IGF1: variants seen among roughly 807,000 people sequenced by gnomAD.
IGF1 encodes insulin like growth factor 1, also known as insulin-like growth factor 1.
In IGF1, 4 loss-of-function variants were observed where a neutral mutation model predicts 13.8. That is an observed-to-expected ratio of 0.29 (90% CI 0.14 to 0.66). The LOEUF is 0.66. Among genes scored for constraint, IGF1 ranks in the 30% least tolerant of loss-of-function variants. The probability of loss-of-function intolerance (pLI) is 0.78; values close to 1 mark genes in which losing one functional copy is unlikely to be tolerated. For synonymous variants in IGF1, 76 were observed against 72.6 expected (o/e 1.05, Z -0.23); for missense variants, 124 against 188.5 (o/e 0.66, Z 2.00).
At chr12:102,406,155 C>T (rs955433348) in intron 3 of IGF1, among the ~76,000 whole-genome samples, 11 of 152,216 alleles carry the variant, frequency 7.2e-5, no homozygotes, top group African/African-American at 2.7e-4. Context: ...ATTTGGCTCT[C>T]TTCCCAGGCT....
At chr12:102,476,342 C>G (rs1181055607) in intron 1 of IGF1, among the ~76,000 whole-genome samples, 1 of 150,772 alleles carries the variant, frequency 6.6e-6, no homozygotes, top group Non-Finnish European at 1.5e-5. Flanking sequence ...TTTACTATGG[C>G]CAAAAAATGG....
At position 102,415,974 on chromosome 12, in the gene IGF1, A is replaced by G. The variant is rs576836336; in HGVS notation, c.402+3535T>C. 2.0e-5 allele frequency among the ~76,000 whole-genome samples: 3 copies of G among 152,288 alleles called. No individual in the cohort carries two copies. In the South Asian group the frequency reaches 6.2e-4, roughly 32 times the overall value. The stretch of plus-strand genomic sequence containing the variant: ...CCACAGCAGCAGTGGCTTGGCTCCC[A>G]TGTGGGGCTTTGGCATGCTTTCAGT... On this transcript the variant is annotated intron_variant, in intron 3 of 3. Coordinates refer to ENST00000337514, the MANE Select transcript of IGF1 (RefSeq NM_000618.5).
intron 2 of IGF1, among the ~76,000 whole-genome samples, chr12:102,424,113 A>C (rs1565973689): frequency 6.6e-6 from 1 of 152,204 alleles, no homozygotes; most frequent in African/African-American, 2.4e-5. Context: ...ATAATAAAAA[A>C]ACGCAAACGT....
Position 102,416,940 on chromosome 12 carries a change from C to T in IGF1, c.402+2569G>A, listed in dbSNP as rs998677488. Reference sequence around the variant, plus strand: ...CCAACCTGGCTGGTGTTGTTTCACACAGAGGATGTTTAGACACAGAGATAT... The same window carrying T: ...CCAACCTGGCTGGTGTTGTTTCACATAGAGGATGTTTAGACACAGAGATAT... On this transcript the variant is annotated intron_variant, in intron 3 of 3. Coordinates refer to ENST00000337514, the MANE Select transcript of IGF1 (RefSeq NM_000618.5). Among the ~76,000 whole-genome samples, 6 of 152,124 alleles carry T rather than the reference C, an allele frequency of 3.9e-5. No individual in the cohort carries two copies. In the East Asian group the frequency reaches 7.7e-4, roughly 20 times the overall value.
At chr12:102,476,653 CA>C (rs1881069104) in intron 1 of IGF1, among the ~76,000 whole-genome samples, 1 of 152,128 alleles carries the variant, frequency 6.6e-6, no homozygotes, top group Admixed American at 6.6e-5. Flanking sequence ...CTCAAACTGG[CA>C]AAAATCTTTT....
chr12:102,465,584 G>A (rs1049644729), intron 2 of IGF1, among the ~76,000 whole-genome samples: 1 of 152,208 alleles, frequency 6.6e-6, no homozygotes, highest in African/African-American at 2.4e-5. Flanking sequence ...TTTTTCACTT[G>A]TGAGGAATTG....
chr12:102,404,909 C>A (rs927832208), intron 3 of IGF1, among the ~76,000 whole-genome samples: 1 of 151,744 alleles, frequency 6.6e-6, no homozygotes, highest in African/African-American at 2.4e-5. Context: ...AGACGCCTGC[C>A]ACCATGCATG....
intron 2 of IGF1, among the ~76,000 whole-genome samples, chr12:102,446,647 T>G (rs1226980404): frequency 3.3e-5 from 5 of 152,128 alleles, no homozygotes; most frequent in South Asian, 2.1e-4. Flanking sequence ...GCGGTCTATC[T>G]ATTTTGCTGC....
intron 2 of IGF1, among the ~76,000 whole-genome samples, chr12:102,469,809 A>G (rs1249756928): frequency 2.0e-5 from 3 of 152,148 alleles, no homozygotes; most frequent in Admixed American, 2.0e-4. Flanking sequence ...CATTTGTCCC[A>G]TGAAGCAATA....
intron 2 of IGF1, among the ~76,000 whole-genome samples, chr12:102,423,998 T>C (rs529574172): frequency 2.0e-5 from 3 of 152,346 alleles, no homozygotes; most frequent in African/African-American, 7.2e-5. Context: ...TCAGCTTTAA[T>C]TTCCTTTGAA....
chr12:102,449,236 G>A lies in IGF1; in HGVS notation c.220+26407C>T, dbSNP rs550892209. 3.5e-4 allele frequency among the ~76,000 whole-genome samples: 53 copies of A among 152,164 alleles called. No individual in the cohort carries two copies. In the South Asian group the frequency reaches 8.3e-3, roughly 24 times the overall value. On this transcript the variant is annotated intron_variant, in intron 2 of 3. Coordinates refer to ENST00000337514, the MANE Select transcript of IGF1 (RefSeq NM_000618.5). ...TGCAGCCATGAAAAGGGATGAATTC[G>A]TGTTCCTTGAAGGGACATGGATGAA... is the stretch of plus-strand genomic sequence containing the variant.
chr12:102,441,920 T>TCC (rs1877806102), intron 2 of IGF1, among the ~76,000 whole-genome samples: 4 of 121,192 alleles, frequency 3.3e-5, no homozygotes, highest in Admixed American at 2.9e-4. Flanking sequence ...CTTCTCCTTC[T>TCC]TCTTCTTCTT....
chr12:102,431,628 A>G (rs1315753397), intron 2 of IGF1, among the ~76,000 whole-genome samples: 1 of 152,178 alleles, frequency 6.6e-6, no homozygotes, highest in Non-Finnish European at 1.5e-5. Flanking sequence ...TTACTCGGGA[A>G]CACCTTGAAA....
In IGF1 at chr12:102,441,915, C is replaced by CTTCTTCTTCTTCTTCTTCTTCTTCTTCTT. The variant is rs1555244052; in HGVS notation, c.221-22226_221-22225insAAGAAGAAGAAGAAGAAGAAGAAGAAGAA. Among the ~76,000 whole-genome samples the CTTCTTCTTCTTCTTCTTCTTCTTCTTCTT allele has an allele frequency of 4.7e-3, 578 of 122,052 alleles. 40 individuals are homozygous for CTTCTTCTTCTTCTTCTTCTTCTTCTTCTT. Among genetic ancestry groups the CTTCTTCTTCTTCTTCTTCTTCTTCTTCTT allele is most frequent in the East Asian group, 0.028 (112 of 3,952 alleles). The allele number at this position is 122,052 out of a possible 152,430, so 80.1% of individuals were successfully genotyped here. A position where few individuals can be genotyped will look rare whatever the true frequency, so the allele number is the denominator to read the frequency against. On this transcript the variant is annotated intron_variant, in intron 2 of 3. Coordinates refer to ENST00000337514, the MANE Select transcript of IGF1 (RefSeq NM_000618.5). ...GTCATTCTATTACACTGCTTCTTCT[C>CTTCTTCTTCTTCTTCTTCTTCTTCTTCTT]CTTCTTCTTCTTCTTCTTCTTCTTC...
At chr12:102,466,417 G>A (rs927181128) in intron 2 of IGF1, among the ~76,000 whole-genome samples, 2 of 152,132 alleles carry the variant, frequency 1.3e-5, no homozygotes. Flanking sequence ...GGTCGTGACT[G>A]GGAGGAAGGG....
At chr12:102,455,849 A>T (rs1389887426) in intron 2 of IGF1, among the ~76,000 whole-genome samples, 1 of 152,174 alleles carries the variant, frequency 6.6e-6, no homozygotes, top group African/African-American at 2.4e-5. Context: ...CTGGGAAGAG[A>T]CAAGTCATGA....
upstream of IGF1, among the ~76,000 whole-genome samples, chr12:102,481,346 C>CCT (rs200754662): frequency 0.016 from 2,004 of 123,134 alleles, 21 homozygotes; most frequent in Non-Finnish European, 0.02. Context: ...ATAACTCAAA[C>CCT]CTGTGTGTGT....
At chr12:102,472,059 T>C (rs1430659823) in intron 2 of IGF1, among the ~76,000 whole-genome samples, 1 of 152,170 alleles carries the variant, frequency 6.6e-6, no homozygotes, top group Admixed American at 6.5e-5. Flanking sequence ...AATCGCTAGC[T>C]CCTTCCCAAT....
At chr12:102,411,705 G>T (rs1313341275) in intron 3 of IGF1, among the ~76,000 whole-genome samples, 1 of 152,202 alleles carries the variant, frequency 6.6e-6, no homozygotes, top group African/African-American at 2.4e-5. Flanking sequence ...GACCATGTCA[G>T]TTAGAGAAGC....
Sources: allele counts gnomAD v4.1 joint callset (sites outside exome capture counted in the v4.1 genomes callset), GRCh38; gene constraint gnomAD v4.1.1; transcripts MANE v1.5; gene names NCBI Gene and HGNC (gene_info 2026-07-23, HGNC 2026-07-21).